SLC22A23: variants seen among roughly 807,000 people sequenced by gnomAD.
SLC22A23 encodes solute carrier family 22 member 23.
In SLC22A23, 26 loss-of-function variants were observed where a neutral mutation model predicts 61.0. The observed-to-expected ratio is 0.43, with a 90% CI of 0.31 to 0.59. SLC22A23 has a LOEUF of 0.59. SLC22A23 is among the 20% of genes least tolerant of loss of function. SLC22A23 has a pLI of 0.11. For missense variants in SLC22A23, 796 were observed against 934.7 expected (o/e 0.85, Z 1.94); for synonymous variants, 430 against 413.9 (o/e 1.04, Z -0.47).
intron 3 of SLC22A23, among the ~76,000 whole-genome samples, chr6:3,404,125 CCT>C (rs1213348074): frequency 6.6e-6 from 1 of 152,210 alleles, no homozygotes; most frequent in Non-Finnish European, 1.5e-5. Flanking sequence ...AACAGCCTCC[CCT>C]GTGTGGAAAA....
At chr6:3,362,980 C>T (rs1765576389) in intron 3 of SLC22A23, among the ~76,000 whole-genome samples, 1 of 152,166 alleles carries the variant, frequency 6.6e-6, no homozygotes, top group Non-Finnish European at 1.5e-5. Flanking sequence ...CTCTGGACTG[C>T]TCAGAGCCCA....
chr6:3,329,979 A>G lies in SLC22A23; in HGVS notation c.914-5977T>C, dbSNP rs995713629. 2.0e-5 allele frequency among the ~76,000 whole-genome samples: 3 copies of G among 152,224 alleles called. No individual in the cohort carries two copies. The highest frequency in any genetic ancestry group is 7.2e-5 in the African/African-American group (3 of 41,452). On this transcript the variant is annotated intron_variant, in intron 3 of 9. Coordinates refer to ENST00000406686, the MANE Select transcript of SLC22A23 (RefSeq NM_015482.2). The surrounding 1 kb of genome is among the most constrained non-coding windows in gnomAD (Gnocchi z 4.8). The stretch of plus-strand genomic sequence containing the variant: ...CCTGCGGAACGAGAAATCCTTCCAG[A>G]GGCCACTGCTGAACGGCCCGGCCAT...
intron 3 of SLC22A23, among the ~76,000 whole-genome samples, chr6:3,404,367 T>C (rs1009735813): frequency 2.6e-5 from 4 of 152,192 alleles, no homozygotes; most frequent in African/African-American, 4.8e-5. Context: ...GCTTATTCTT[T>C]CTCTGTCCTC....
At chr6:3,437,527 A>T (rs1301948235) in intron 1 of SLC22A23, among the ~76,000 whole-genome samples, 2 of 151,468 alleles carry the variant, frequency 1.3e-5, no homozygotes, top group Admixed American at 1.3e-4. Context: ...AACAAAAAAA[A>T]ATTAAAAAAA....
chr6:3,334,828 A>T (rs1419290254), intron 3 of SLC22A23, among the ~76,000 whole-genome samples: 3 of 152,240 alleles, frequency 2.0e-5, no homozygotes, highest in African/African-American at 7.2e-5. Flanking sequence ...GCACACTGCC[A>T]GTCTGCAGCT....
intron 4 of SLC22A23, among the ~76,000 whole-genome samples, chr6:3,301,549 G>A (rs1361593099): frequency 2.0e-5 from 3 of 152,110 alleles, no homozygotes; most frequent in Non-Finnish European, 2.9e-5. Context: ...AAACGCTTAC[G>A]GAACTCCATG....
chr6:3,370,290 C>T (rs1169661921), intron 3 of SLC22A23, among the ~76,000 whole-genome samples: 1 of 152,196 alleles, frequency 6.6e-6, no homozygotes, highest in East Asian at 1.9e-4. Flanking sequence ...AACTAAAATG[C>T]TTAAAACAAG....
At chr6:3,430,625 T>C (rs917452505) in intron 1 of SLC22A23, among the ~76,000 whole-genome samples, 1 of 151,966 alleles carries the variant, frequency 6.6e-6, no homozygotes, top group Non-Finnish European at 1.5e-5. Flanking sequence ...GGGGCAGGCT[T>C]AAGAAAGGAC....
At position 3,269,096 on chromosome 6, in the gene SLC22A23, G is replaced by A. The variant is rs1039109975; in HGVS notation, c.*3959C>T. 2 of 152,262 alleles carry A rather than the reference G, an allele frequency of 1.3e-5. No individual in the cohort carries two copies. Among genetic ancestry groups the A allele is most frequent in the African/African-American group, 2.4e-5 (1 of 41,434 alleles). 9.4% of individuals were successfully genotyped at this position (152,262 alleles called of 1,614,324 possible). On this transcript the variant is annotated 3_prime_UTR_variant, in exon 10 of 10. Coordinates refer to ENST00000406686, the MANE Select transcript of SLC22A23 (RefSeq NM_015482.2). The stretch of plus-strand genomic sequence containing the variant: ...CAGTGTAAGATATTCATTTCTTGAC[G>A]TCTCTAGGAACCTTCAGGCCACGGA...
rs950083983 is a variant in SLC22A23 at position 3,372,591 on chromosome 6, G to C, written c.913+37597C>G. Among the ~76,000 whole-genome samples, 6 of 152,162 alleles carry C rather than the reference G, an allele frequency of 3.9e-5. No homozygotes were observed. Among genetic ancestry groups the C allele is most frequent in the Non-Finnish European group, 5.9e-5 (4 of 68,024 alleles). ...ACTGGTGGCGTGGCCTGAGGAAACC[G>C]TGGCTTCCCCCCATGTCTCATGCAC... On this transcript the variant is annotated intron_variant, in intron 3 of 9. Coordinates refer to ENST00000406686, the MANE Select transcript of SLC22A23 (RefSeq NM_015482.2). This position sits in a 1 kb window ranked among gnomAD's most constrained non-coding sequence, Gnocchi z 4.7.
At chr6:3,455,775 A>T in intron 1 of SLC22A23, 131 bp downstream of exon 1, 1 of 1,124,018 alleles carries the variant, frequency 8.9e-7, no homozygotes, top group Non-Finnish European at 1.2e-6. Context: ...GAAGGAGATT[A>T]AGCCAATGCG....
At chr6:3,282,376 G>A (rs1759550088) in intron 9 of SLC22A23, 2 of 696,488 alleles carry the variant, frequency 2.9e-6, no homozygotes, top group East Asian at 5.4e-5. Flanking sequence ...CAATGCCTTG[G>A]CATTTCTGTC....
In SLC22A23 at chr6:3,271,269, A is replaced by C. The variant is rs1305580566; in HGVS notation, c.*1786T>G. Reference sequence around the variant, plus strand: ...GGACGTGGAGCAAGTGGAGGCAGGGAGAGGCTGGCCAGACAGCCTCCCTTC... The same window carrying C: ...GGACGTGGAGCAAGTGGAGGCAGGGCGAGGCTGGCCAGACAGCCTCCCTTC... On this transcript the variant is annotated 3_prime_UTR_variant, in exon 10 of 10. Transcript: ENST00000406686. 6.6e-6 allele frequency: 1 copy of C among 152,310 alleles called. No individual in the cohort carries two copies. Among genetic ancestry groups the C allele is most frequent in the African/African-American group, 2.4e-5 (1 of 41,464 alleles). 9.4% of individuals were successfully genotyped at this position (152,310 alleles called of 1,614,324 possible). A position where few individuals can be genotyped will look rare whatever the true frequency, so the allele number is the denominator to read the frequency against.
intron 1 of SLC22A23, among the ~76,000 whole-genome samples, chr6:3,441,608 G>A (rs1215167536): frequency 1.3e-5 from 2 of 152,146 alleles, no homozygotes; most frequent in Non-Finnish European, 2.9e-5. Flanking sequence ...CCTGCCCACT[G>A]ACGGAAGCGA....
chr6:3,322,150 C>T lies in SLC22A23; in HGVS notation c.1082+1684G>A, dbSNP rs139410894. Among the ~76,000 whole-genome samples the T allele has an allele frequency of 1.3e-3, 193 of 152,146 alleles. No homozygotes were observed. The highest frequency in any genetic ancestry group is 4.5e-3 in the African/African-American group (187 of 41,500). On this transcript the variant is annotated intron_variant, in intron 4 of 9. Transcript: ENST00000406686. The surrounding 1 kb of genome is among the most constrained non-coding windows in gnomAD (Gnocchi z 4.1). ...AGGTCCAGGCTCTGACGTGAGTCAG[C>T]GGGGGTCAGGGGACCGCGGTTCTGT...
Position 3,322,189 on chromosome 6 carries a change from G to T in SLC22A23, c.1082+1645C>A, listed in dbSNP as rs1387893091. Among the ~76,000 whole-genome samples the T allele has an allele frequency of 6.6e-6, 1 of 152,122 alleles. No individual in the cohort carries two copies. Among genetic ancestry groups the T allele is most frequent in the Non-Finnish European group, 1.5e-5 (1 of 68,012 alleles). ...CCGCGGTTCTGTCCTCTATAGGATG[G>T]GCTGCTGAGATATGAGGGTGGAACC... On this transcript the variant is annotated intron_variant, in intron 4 of 9. Transcript: ENST00000406686. The surrounding 1 kb of genome is among the most constrained non-coding windows in gnomAD (Gnocchi z 4.1).
In SLC22A23 at chr6:3,324,212, G is replaced by C. The variant is rs1763144061; in HGVS notation, c.914-210C>G. 1.7e-6 allele frequency: 1 copy of C among 595,144 alleles called. No individual in the cohort carries two copies. The highest frequency in any genetic ancestry group is 3.0e-6 in the Non-Finnish European group (1 of 336,988). The allele number at this position is 595,144 out of a possible 1,614,324, so 36.9% of individuals were successfully genotyped here. On this transcript the variant is annotated intron_variant, in intron 3 of 9. Coordinates refer to ENST00000406686, the MANE Select transcript of SLC22A23 (RefSeq NM_015482.2). The surrounding 1 kb of genome is among the most constrained non-coding windows in gnomAD (Gnocchi z 4.3). ...GAAGGGAAGTGAGACGGTTGTTCAA[G>C]GCCACAGGGCTAGTCGATGACGAAG...
At chr6:3,433,591 G>A (rs896151054) in intron 1 of SLC22A23, among the ~76,000 whole-genome samples, 8 of 152,188 alleles carry the variant, frequency 5.3e-5, no homozygotes, top group Admixed American at 5.2e-4. Flanking sequence ...GGAAAGGATT[G>A]ACAATGTTCA....
chr6:3,376,931 A>G (rs768705503), intron 3 of SLC22A23, among the ~76,000 whole-genome samples: 3 of 152,034 alleles, frequency 2.0e-5, no homozygotes, highest in Admixed American at 6.5e-5. Flanking sequence ...AGATGGAGGA[A>G]GAAGGGCATT....
Sources: allele counts gnomAD v4.1 joint callset (sites outside exome capture counted in the v4.1 genomes callset), GRCh38; gene constraint gnomAD v4.1.1; non-coding constraint Gnocchi (gnomAD v3.1); transcripts MANE v1.5; gene names NCBI Gene and HGNC (gene_info 2026-07-23, HGNC 2026-07-21).